The following MDGA1 variants were observed in gnomAD, a reference collection of about 807,000 sequenced individuals.
MDGA1 encodes MAM domain-containing glycosylphosphatidylinositol anchor protein 1.
Under a neutral mutation model 101.5 loss-of-function variants are expected in MDGA1, and 54 were observed. The observed-to-expected ratio is 0.53, with a 90% CI of 0.43 to 0.67. The LOEUF is 0.67. Ranked by LOEUF, MDGA1 falls within the 30% of genes least tolerant of loss-of-function variation. MDGA1 has a pLI of 0.00. For synonymous variants in MDGA1, 533 were observed against 558.3 expected, an observed-to-expected ratio of 0.95 and a Z score of 0.64; for missense variants, 1,083 against 1,323.8, an observed-to-expected ratio of 0.82 and a Z score of 2.82.
rs777826861 is a variant in MDGA1 at position 37,638,102 on chromosome 6, G to T, written c.2776+103C>A. The T allele has an allele frequency of 1.2e-6, 1 of 865,984 alleles. No homozygotes were observed. Among genetic ancestry groups the T allele is most frequent in the Non-Finnish European group, 1.9e-6 (1 of 521,246 alleles). The allele number at this position is 865,984 out of a possible 1,614,324, so 53.6% of individuals were successfully genotyped here. Reference sequence around the variant, plus strand: ...ATGATTCCCATCACTCAGACATTCTGAACCCCTATTCAGACCCAAACACCC... The same window carrying T: ...ATGATTCCCATCACTCAGACATTCTTAACCCCTATTCAGACCCAAACACCC... On this transcript the variant is annotated intron_variant, in intron 16 of 16. Transcript: ENST00000434837. The surrounding 1 kb of genome is among the most constrained non-coding windows in gnomAD (Gnocchi z 4.8).
At chr6:37,695,003 G>A (rs1465510761) in intron 1 of MDGA1, among the ~76,000 whole-genome samples, 1 of 151,988 alleles carries the variant, frequency 6.6e-6, no homozygotes, top group Admixed American at 6.5e-5. Context: ...CTCATTGCTG[G>A]GTTTACTAGA....
Position 37,655,711 on chromosome 6 carries a change from G to A in MDGA1, c.568C>T (p.Leu190Phe). Residue 190 changes from leucine (L) to phenylalanine (F), a missense_variant, in exon 4 of 17, where the codon CTC becomes TTC. Transcript: ENST00000434837. The surrounding 1 kb of genome is among the most constrained non-coding windows in gnomAD (Gnocchi z 5.1). ...CTGCCCATCCTGACCTGAGTGTAGAGGGGCTCATAGATGTCAACCCCATTG... is the reference window on the plus strand; with the variant it reads ...CTGCCCATCCTGACCTGAGTGTAGAAGGGCTCATAGATGTCAACCCCATTG... ...QDNGVDIYEPLYTQGETKVLK... is the reference protein window; with the variant it reads ...QDNGVDIYEPFYTQGETKVLK... The A allele has an allele frequency of 3.7e-6, 6 of 1,610,154 alleles. No individual in the cohort carries two copies. Among genetic ancestry groups the A allele is most frequent in the Non-Finnish European group, 5.1e-6 (6 of 1,178,022 alleles).
Position 37,658,249 on chromosome 6 carries a change from C to T in MDGA1, c.378G>A (p.Val126=). 6.3e-7 allele frequency: 1 copy of T among 1,592,580 alleles called. No homozygotes were observed. The highest frequency in any genetic ancestry group is 2.3e-5 in the East Asian group (1 of 44,418). The change falls in exon 3 of 17, where the codon GTG becomes GTA. Residue 126 remains valine (V), a synonymous_variant. Transcript: ENST00000434837. ...AGAGAGGGGGCCTCAACTCACACTGCACGTCCACGCGGATGGACTTGATGG... is the reference window on the plus strand; with the variant it reads ...AGAGAGGGGGCCTCAACTCACACTGTACGTCCACGCGGATGGACTTGATGG... ...VPAIKSIRVD[V]QYLDEPMLTV...
In MDGA1 at chr6:37,654,392, G is replaced by C. The variant is rs774963005; in HGVS notation, c.864C>G (p.Ala288=). The change falls in exon 6 of 17, where the codon GCC becomes GCG. Residue 288 remains alanine (A), a synonymous_variant. Transcript: ENST00000434837. The part of the protein sequence containing the change: ...GPGPLPLGAL[A]QGGTLSIPSV... ...AAGGGATGCTGAGGGTGCCACCCTG[G>C]GCCAGAGCACCCAGGGGCAGTGGGC... The C allele has an allele frequency of 1.9e-6, 3 of 1,613,848 alleles. No homozygotes were observed. The highest frequency in any genetic ancestry group is 2.2e-5 in the South Asian group (2 of 91,062).
At chr6:37,673,434 T>A (rs1761912943) in intron 1 of MDGA1, among the ~76,000 whole-genome samples, 1 of 152,382 alleles carries the variant, frequency 6.6e-6, no homozygotes, top group East Asian at 1.9e-4. Flanking sequence ...TTTTCTCTTT[T>A]AATTAGCTGC....
chr6:37,644,816 T>C (rs1002246144), intron 12 of MDGA1, among the ~76,000 whole-genome samples, 167 bp from the exon 13 acceptor site: 6 of 152,232 alleles, frequency 3.9e-5, no homozygotes, highest in Non-Finnish European at 4.4e-5. Flanking sequence ...TTTCTTGCCA[T>C]AACAAGACTT....
chr6:37,682,764 C>T (rs1243970519), intron 1 of MDGA1, among the ~76,000 whole-genome samples: 1 of 152,202 alleles, frequency 6.6e-6, no homozygotes, highest in Non-Finnish European at 1.5e-5. Flanking sequence ...GAGTCTGGCA[C>T]ACTGCGGGGG....
At chr6:37,687,423 G>C (rs1271036702) in intron 1 of MDGA1, among the ~76,000 whole-genome samples, 2 of 141,556 alleles carry the variant, frequency 1.4e-5, no homozygotes, top group Non-Finnish European at 3.1e-5. Context: ...AAAAAAGTTA[G>C]CCGGGCATGG....
chr6:37,695,123 C>T (rs578039080), intron 1 of MDGA1, among the ~76,000 whole-genome samples: 55 of 152,152 alleles, frequency 3.6e-4, no homozygotes, highest in Non-Finnish European at 7.4e-4. Context: ...TTGCCAAATG[C>T]ACCCAATGAC....
intron 9 of MDGA1, 118 bp downstream of exon 9, chr6:37,648,864 G>C (rs1761282744): frequency 4.9e-6 from 7 of 1,423,982 alleles, no homozygotes; most frequent in Admixed American, 2.8e-5. Flanking sequence ...CCTGGAGTAG[G>C]TGGGCTTCAA....
At position 37,643,810 on chromosome 6, in the gene MDGA1, G is replaced by A. The variant is rs376376513; in HGVS notation, c.2535C>T (p.Ile845=). 1.5e-5 allele frequency: 25 copies of A among 1,613,772 alleles called. No individual in the cohort carries two copies. The highest frequency in any genetic ancestry group is 1.6e-4 in the Middle Eastern group (1 of 6,082). The change falls in exon 14 of 17, where the codon ATC becomes ATT. Residue 845 remains isoleucine (I), a splice_region_variant and synonymous_variant. Coordinates refer to ENST00000434837, the MANE Select transcript of MDGA1 (RefSeq NM_153487.4). ...SFFYHMYGKH[I]GSLNLLVRSR... ...AGACTACCTGGCCCCCCAACTCACC[G>A]ATGTGTTTCCCGTACATGTGGTAGA...
rs770854575 is a variant in MDGA1 at position 37,646,181 on chromosome 6, C to T, written c.2224+17G>A. On this transcript the variant is annotated intron_variant, in intron 11 of 16. Coordinates refer to ENST00000434837, the MANE Select transcript of MDGA1 (RefSeq NM_153487.4). Reference sequence around the variant, plus strand: ...TGAGATGGGCCCATCCTTCCTACCGCCACCACTGTCACCTACGCTCTGTGT... The same window carrying T: ...TGAGATGGGCCCATCCTTCCTACCGTCACCACTGTCACCTACGCTCTGTGT... The T allele has an allele frequency of 1.3e-5, 20 of 1,565,122 alleles. No homozygotes were observed. Among genetic ancestry groups the T allele is most frequent in the Non-Finnish European group, 1.6e-5 (18 of 1,151,950 alleles).
In MDGA1 at chr6:37,644,631, T is replaced by G; in HGVS notation, c.2267A>C (p.Glu756Ala). The G allele has an allele frequency of 6.3e-7, 1 of 1,592,032 alleles. No individual in the cohort carries two copies. Among genetic ancestry groups the G allele is most frequent in the Non-Finnish European group, 8.6e-7 (1 of 1,169,498 alleles). ...PNLSDNTCHF[E>A]DEKICGYTQD... is the part of the protein sequence containing the mutation. ...GGTATAGCCACAGATCTTCTCATCC[T>G]CAAAGTGGCAGGTGTTGTCTGCATT... The change falls in exon 13 of 17, where the codon GAG (glutamate) becomes GCG (alanine). Residue 756 changes from glutamate to alanine, a missense_variant. Glu to Ala is a moderately radical substitution (Grantham distance 107). Transcript: ENST00000434837.
At chr6:37,660,058 G>T (rs1761586390) in intron 2 of MDGA1, among the ~76,000 whole-genome samples, 1 of 142,374 alleles carries the variant, frequency 7.0e-6, no homozygotes, top group Non-Finnish European at 1.5e-5. Flanking sequence ...TTAATCACTA[G>T]AGATGAGGTC....
chr6:37,643,822 G>A lies in MDGA1; in HGVS notation c.2523C>T (p.Tyr841=), dbSNP rs565856885. The A allele has an allele frequency of 2.5e-5, 41 of 1,613,916 alleles. No homozygotes were observed. In the East Asian group the frequency reaches 2.7e-4, roughly 11 times the overall value. ...FYCVSFFYHM[Y]GKHIGSLNLL... ...CCCCCAACTCACCGATGTGTTTCCC[G>A]TACATGTGGTAGAAGAAGGAGACAC... The change falls in exon 14 of 17, where the codon TAC becomes TAT. Residue 841 remains tyrosine, a synonymous_variant. Transcript: ENST00000434837.
Position 37,652,318 on chromosome 6 carries a change from C to G in MDGA1, c.1005G>C (p.Gln335His), listed in dbSNP as rs767985590. Residue 335 changes from glutamine (Q) to histidine (H), a missense_variant, in exon 7 of 17, where the codon CAG (glutamine) becomes CAC (histidine). Coordinates refer to ENST00000434837, the MANE Select transcript of MDGA1 (RefSeq NM_153487.4). This position sits in a 1 kb window ranked among gnomAD's most constrained non-coding sequence, Gnocchi z 4.3. ...TCTCTTTGATCACGTCAGGAGTGATCTGGAATGTAGCGTTCTTCATGGCTG... is the reference window on the plus strand; with the variant it reads ...TCTCTTTGATCACGTCAGGAGTGATGTGGAATGTAGCGTTCTTCATGGCTG... The part of the protein sequence containing the change: ...LVRSMKNATF[Q>H]ITPDVIKESE... The G allele has an allele frequency of 3.1e-6, 5 of 1,612,660 alleles. No homozygotes were observed. Among genetic ancestry groups the G allele is most frequent in the Middle Eastern group, 1.7e-4 (1 of 6,058 alleles).
intron 1 of MDGA1, among the ~76,000 whole-genome samples, chr6:37,693,579 C>A (rs539743178): frequency 2.0e-5 from 3 of 152,236 alleles, no homozygotes; most frequent in East Asian, 3.8e-4. Flanking sequence ...CACTGACCTG[C>A]GGTCCGACTG....
chr6:37,641,359 G>A (rs1432689411), intron 14 of MDGA1, among the ~76,000 whole-genome samples: 2 of 152,152 alleles, frequency 1.3e-5, no homozygotes, highest in East Asian at 1.9e-4. Context: ...GGCTGGAGGT[G>A]AGCTGGAAGG....
At chr6:37,680,969 C>T (rs1762081234) in intron 1 of MDGA1, among the ~76,000 whole-genome samples, 1 of 150,876 alleles carries the variant, frequency 6.6e-6, no homozygotes, top group African/African-American at 2.4e-5. Flanking sequence ...CTCCCTGTCC[C>T]CTACTGGGGC....
Sources: gnomAD v4.1 joint callset for allele counts (sites outside exome capture counted in the v4.1 genomes callset) on GRCh38, gnomAD v4.1.1 for gene constraint, Gnocchi (gnomAD v3.1) non-coding constraint, MANE v1.5 for transcripts, NCBI Gene and HGNC (gene_info 2026-07-23, HGNC 2026-07-21) for gene names.